The following MAP2K7 variants were observed in gnomAD, a reference collection of about 807,000 sequenced individuals.
MAP2K7 encodes dual specificity mitogen-activated protein kinase kinase 7.
MAP2K7 carries 12 observed loss-of-function variants against 47.7 expected under a neutral mutation model. That is an observed-to-expected ratio of 0.25 (90% CI 0.16 to 0.41). The LOEUF is 0.41. MAP2K7 is among the 10% of genes least tolerant of loss of function. MAP2K7 has a pLI of 1.00. For missense variants in MAP2K7, 415 were observed against 600.3 expected (o/e 0.69, Z 3.23); for synonymous variants, 299 against 243.0 (o/e 1.23, Z -2.14).
At chr19:7,904,229 C>T (rs1599618681) in intron 1 of MAP2K7, among the ~76,000 whole-genome samples, 161 bp downstream of exon 1, 1 of 152,044 alleles carries the variant, frequency 6.6e-6, no homozygotes, top group African/African-American at 2.4e-5. Flanking sequence ...CACGGTGACC[C>T]GGGGGGCGTG....
At position 7,910,043 on chromosome 19, in the gene MAP2K7, C is replaced by T. The variant is rs1982719532; in HGVS notation, c.267-20C>T. The T allele has an allele frequency of 1.3e-6, 2 of 1,586,762 alleles. No individual in the cohort carries two copies. Among genetic ancestry groups the T allele is most frequent in the East Asian group, 2.3e-5 (1 of 43,992 alleles). On this transcript the variant is annotated intron_variant, in intron 2 of 10. Transcript: ENST00000397979. ...TAAGGTCAGGACCCACCTCCACCGGCACCTGCTCCATGTCCCCAGCATTGA... is the reference window on the plus strand; with the variant it reads ...TAAGGTCAGGACCCACCTCCACCGGTACCTGCTCCATGTCCCCAGCATTGA...
intron 1 of MAP2K7, among the ~76,000 whole-genome samples, chr19:7,907,489 G>A (rs575595182): frequency 1.4e-4 from 21 of 152,134 alleles, no homozygotes; most frequent in Non-Finnish European, 1.9e-4. Context: ...CCAGCCTCTC[G>A]CTCTCTCTCA....
rs781078280 is a variant in MAP2K7, at chr19:7,910,185, C to A, written c.333+56C>A. On this transcript the variant is annotated intron_variant, in intron 3 of 10. Transcript: ENST00000397979. ...GGAGGCCCAGCCAGGCTGGACCCAT[C>A]CTGGGAGCGCCAGTGGGGGGCAGGG... 8 of 1,595,976 alleles carry A rather than the reference C, an allele frequency of 5.0e-6. No individual in the cohort carries two copies. In the East Asian group the frequency reaches 1.8e-4, roughly 36 times the overall value.
chr19:7,911,030 C>G lies in MAP2K7; in HGVS notation c.726C>G (p.Arg242=), dbSNP rs376803808. Reference sequence around the variant, plus strand: ...AGGAGAAGCACGGTGTCATCCACCGCGACGTCAAGCCCTCCAACATCCTGC... The same window carrying G: ...AGGAGAAGCACGGTGTCATCCACCGGGACGTCAAGCCCTCCAACATCCTGC... ...YLKEKHGVIH[R]DVKPSNILLD... is the part of the protein sequence containing the mutation. Residue 242 remains arginine, a synonymous_variant, in exon 7 of 11, where the codon CGC becomes CGG. Coordinates refer to ENST00000397979, the MANE Select transcript of MAP2K7 (RefSeq NM_145185.4). 1 of 1,612,750 alleles carries G rather than the reference C, an allele frequency of 6.2e-7. No individual in the cohort carries two copies.
Position 7,910,308 on chromosome 19 carries a change from A to T in MAP2K7, c.382A>T (p.Ser128Cys). Reference protein sequence around the residue: ...NDLENLGEMGSGTCGQVWKMR... With the variant: ...NDLENLGEMGCGTCGQVWKMR... ...CCTGGAGAACTTGGGCGAGATGGGC[A>T]GCGGCACCTGCGGCCAGGTGTGGAA... Residue 128 changes from serine (S) to cysteine (C), a missense_variant, in exon 4 of 11, where the codon AGC becomes TGC. Around this residue, in one of 3 missense-constraint regions of MAP2K7, gnomAD observed 206 missense variants for 368.8 expected, o/e 0.56. Coordinates refer to ENST00000397979, the MANE Select transcript of MAP2K7 (RefSeq NM_145185.4). 3 of 1,613,384 alleles carry T rather than the reference A, an allele frequency of 1.9e-6. No individual in the cohort carries two copies. Among genetic ancestry groups the T allele is most frequent in the Non-Finnish European group, 2.5e-6 (3 of 1,179,954 alleles).
rs372974513 is a variant in MAP2K7, at chr19:7,912,321, G to A, written c.1150G>A (p.Glu384Lys). The part of the protein sequence containing the change: ...LLEHSFIKRY[E>K]TLEVDVASWF... ...GGAACACAGCTTCATCAAGCGCTAC[G>A]AGACGCTGGAGGTGGACGTGGCGTC... The change falls in exon 11 of 11, where the codon GAG becomes AAG. Residue 384 changes from glutamate to lysine, a missense_variant. Transcript: ENST00000397979. 21 of 1,613,682 alleles carry A rather than the reference G, an allele frequency of 1.3e-5. No homozygotes were observed. Among genetic ancestry groups the A allele is most frequent in the Middle Eastern group, 1.6e-4 (1 of 6,062 alleles).
At chr19:7,909,661 T>C in intron 1 of MAP2K7, 94 bp from the exon 2 acceptor site, 2 of 684,700 alleles carry the variant, frequency 2.9e-6, no homozygotes, top group Non-Finnish European at 4.9e-6. Flanking sequence ...GAGGGGAAGG[T>C]GAGGGTCCCG....
chr19:7,912,519 G>T lies in MAP2K7; in HGVS notation c.*88G>T. On this transcript the variant is annotated 3_prime_UTR_variant, in exon 11 of 11. Transcript: ENST00000397979. The stretch of plus-strand genomic sequence containing the variant: ...TTGGCCACCCAGCTGCCTGCCAGGG[G>T]AGACCTGGGACCTGGACGGCCACCT... The T allele has an allele frequency of 6.8e-7, 1 of 1,461,350 alleles. No individual in the cohort carries two copies. The highest frequency in any genetic ancestry group is 1.3e-5 in the South Asian group (1 of 76,034). 90.5% of individuals were successfully genotyped at this position (1,461,350 alleles called of 1,614,324 possible).
chr19:7,913,553 C>T lies in MAP2K7; in HGVS notation c.*1122C>T, dbSNP rs908131779. 6.6e-6 allele frequency: 1 copy of T among 151,782 alleles called. No individual in the cohort carries two copies. The highest frequency in any genetic ancestry group is 1.5e-5 in the Non-Finnish European group (1 of 67,966). 9.4% of individuals were successfully genotyped at this position (151,782 alleles called of 1,614,324 possible). On this transcript the variant is annotated 3_prime_UTR_variant, in exon 11 of 11. Transcript: ENST00000397979. ...AGGGTGGGGGTGCGAGGTGGTCACT[C>T]CCATCGTGCCCCTGGCCGTCCCTCC...
chr19:7,905,652 C>T (rs1225404230), intron 1 of MAP2K7, among the ~76,000 whole-genome samples: 3 of 152,196 alleles, frequency 2.0e-5, no homozygotes, highest in Non-Finnish European at 4.4e-5. Flanking sequence ...CCATCCTCCC[C>T]GCCCTCCCCA....
chr19:7,912,284 C>G lies in MAP2K7; in HGVS notation c.1126-13C>G. ...ACCGTCTCCTCCTAAGCCCCACCCCCTCGGGCCCACAGGAACACAGCTTCA... is the reference window on the plus strand; with the variant it reads ...ACCGTCTCCTCCTAAGCCCCACCCCGTCGGGCCCACAGGAACACAGCTTCA... On this transcript the variant is annotated splice_polypyrimidine_tract_variant and intron_variant, in intron 10 of 10. Coordinates refer to ENST00000397979, the MANE Select transcript of MAP2K7 (RefSeq NM_145185.4). 14 of 1,613,680 alleles carry G rather than the reference C, an allele frequency of 8.7e-6. No homozygotes were observed. The highest frequency in any genetic ancestry group is 1.1e-5 in the Non-Finnish European group (13 of 1,179,892).
chr19:7,914,216 C>T lies in MAP2K7; in HGVS notation c.*1785C>T, dbSNP rs549640065. 1 of 152,572 alleles carries T rather than the reference C, an allele frequency of 6.6e-6. No individual in the cohort carries two copies. The highest frequency in any genetic ancestry group is 1.5e-5 in the Non-Finnish European group (1 of 68,072). 9.5% of individuals were successfully genotyped at this position (152,572 alleles called of 1,614,324 possible). The stretch of plus-strand genomic sequence containing the variant: ...GTGTGTGTCCGCCCACCCCCACCCC[C>T]TTCAGTGTTAAGTGGGGAGCCCTGG... On this transcript the variant is annotated 3_prime_UTR_variant, in exon 11 of 11. Transcript: ENST00000397979.
chr19:7,906,141 TG>T (rs564022208), intron 1 of MAP2K7: 561 of 481,878 alleles, frequency 1.2e-3, no homozygotes, highest in East Asian at 1.4e-3. Flanking sequence ...CCTCCGGGGG[TG>T]GGGGGGGTGC....
intron 9 of MAP2K7, 73 bp from the exon 10 acceptor site, chr19:7,912,076 C>T: frequency 1.4e-6 from 2 of 1,445,122 alleles, no homozygotes; most frequent in Middle Eastern, 1.8e-4. Flanking sequence ...TTGGGGAGGG[C>T]CTGAGCACAG....
intron 1 of MAP2K7, among the ~76,000 whole-genome samples, chr19:7,909,336 C>T (rs1050664451): frequency 7.9e-5 from 12 of 152,248 alleles, no homozygotes; most frequent in African/African-American, 2.9e-4. Flanking sequence ...CCTGGGCCAG[C>T]CCTGGCAGGC....
chr19:7,911,396 A>G, intron 8 of MAP2K7, 40 bp from the exon 9 acceptor site: 1 of 1,613,268 alleles, frequency 6.2e-7, no homozygotes, highest in Non-Finnish European at 8.5e-7. Flanking sequence ...CGGAGGGAGG[A>G]GAACATAAAC....
intron 1 of MAP2K7, among the ~76,000 whole-genome samples, chr19:7,905,334 G>C (rs1380849365): frequency 6.6e-6 from 1 of 152,130 alleles, no homozygotes; most frequent in Non-Finnish European, 1.5e-5. Context: ...ACACCCTCCT[G>C]TCCCTCCCTC....
In MAP2K7 at chr19:7,910,108, C is replaced by T; in HGVS notation, c.312C>T (p.Gly104=). 1 of 1,607,078 alleles carries T rather than the reference C, an allele frequency of 6.2e-7. No individual in the cohort carries two copies. Among genetic ancestry groups the T allele is most frequent in the Non-Finnish European group, 8.5e-7 (1 of 1,177,528 alleles). ...QKLQEIMKQT[G]YLTIGGQRYQ... ...TGCAGGAGATCATGAAGCAGACGGG[C>T]TACCTGACCATCGGGGGCCAGGTAC... is the stretch of plus-strand genomic sequence containing the variant. Residue 104 remains glycine, a synonymous_variant, in exon 3 of 11, where the codon GGC becomes GGT. Coordinates refer to ENST00000397979, the MANE Select transcript of MAP2K7 (RefSeq NM_145185.4).
Position 7,913,372 on chromosome 19 carries a change from C to T in MAP2K7, c.*941C>T. The T allele has an allele frequency of 6.5e-6, 1 of 152,872 alleles. No individual in the cohort carries two copies. The highest frequency in any genetic ancestry group is 1.5e-5 in the Non-Finnish European group (1 of 68,332). The allele number at this position is 152,872 out of a possible 1,614,324, so 9.5% of individuals were successfully genotyped here. On this transcript the variant is annotated 3_prime_UTR_variant, in exon 11 of 11. Transcript: ENST00000397979. The stretch of plus-strand genomic sequence containing the variant: ...CAGGATGGCCTTCAGGGAAGGTGGT[C>T]TTGGGGCATGGTGCAGAGCAGGTGA...
Sources: gnomAD v4.1 joint callset for allele counts (sites outside exome capture counted in the v4.1 genomes callset) on GRCh38, gnomAD v4.1.1 for gene constraint, gnomAD v4.1.1 regional missense constraint, MANE v1.5 for transcripts, NCBI Gene and HGNC (gene_info 2026-07-23, HGNC 2026-07-21) for gene names.